CBX3: variants seen among roughly 807,000 people sequenced by gnomAD.
The protein encoded by CBX3 is chromobox protein homolog 3.
In CBX3, 5 loss-of-function variants were observed where a neutral mutation model predicts 22.6. The observed-to-expected ratio is 0.22, with a 90% CI of 0.12 to 0.47. The LOEUF (loss-of-function observed/expected upper bound fraction) is 0.47. Among genes scored for constraint, CBX3 ranks in the 20% least tolerant of loss-of-function variants. The pLI, the probability that CBX3 is intolerant of heterozygous loss-of-function variation, is 0.99. For synonymous variants in CBX3, 50 were observed against 66.6 expected (o/e 0.75, Z 1.21); for missense variants, 83 against 208.1 (o/e 0.40, Z 3.70).
In CBX3 at chr7:26,211,662, G is replaced by A; in HGVS notation, c.331G>A (p.Ala111Thr). ...GTATGAAAAAATGTCTTCTAAACAGGCTGACAAACCAAGAGGATTTGCCAG... is the reference window on the plus strand; with the variant it reads ...GTATGAAAAAATGTCTTCTAAACAGACTGACAAACCAAGAGGATTTGCCAG... Reference protein sequence around the residue: ...DSKSKKKRDAADKPRGFARGL... With the variant: ...DSKSKKKRDATDKPRGFARGL... The change falls in exon 5 of 6, where the codon GCT (alanine) becomes ACT (threonine). Residue 111 changes from alanine to threonine, a missense_variant and splice_region_variant. Coordinates refer to ENST00000396386, the MANE Select transcript of CBX3 (RefSeq NM_016587.4). 6.2e-7 allele frequency: 1 copy of A among 1,601,582 alleles called. No homozygotes were observed. The highest frequency in any genetic ancestry group is 8.5e-7 in the Non-Finnish European group (1 of 1,173,610).
At chr7:26,210,624 C>G (rs749895112) in intron 4 of CBX3, 36 of 152,130 alleles carry the variant, frequency 2.4e-4, no homozygotes, top group Non-Finnish European at 5.0e-4. Flanking sequence ...CCTCTTTATA[C>G]TCTAAAAAAA....
chr7:26,204,047 G>C (rs1310717875), intron 2 of CBX3, among the ~76,000 whole-genome samples: 1 of 152,170 alleles, frequency 6.6e-6, no homozygotes, highest in East Asian at 1.9e-4. Flanking sequence ...AAATTCATTA[G>C]TGTTGTGAGA....
Position 26,213,209 on chromosome 7 carries a change from T to A in CBX3, c.*1001T>A, listed in dbSNP as rs1444806793. ...TTACCCCAATTCATTACATGGAGGCTCAATCTTGAGTTTGCTTTACTGGTT... is the reference window on the plus strand; with the variant it reads ...TTACCCCAATTCATTACATGGAGGCACAATCTTGAGTTTGCTTTACTGGTT... On this transcript the variant is annotated 3_prime_UTR_variant, in exon 6 of 6. Transcript: ENST00000396386. 1 of 152,712 alleles carries A rather than the reference T, an allele frequency of 6.5e-6. No individual in the cohort carries two copies. Among genetic ancestry groups the A allele is most frequent in the Non-Finnish European group, 1.5e-5 (1 of 68,058 alleles). The allele number at this position is 152,712 out of a possible 1,614,324, so 9.5% of individuals were successfully genotyped here.
upstream of CBX3, chr7:26,201,679 C>T (rs1335938220): frequency 2.0e-4 from 27 of 135,556 alleles, no homozygotes; most frequent in Non-Finnish European, 3.9e-4. Flanking sequence ...CCTTCGTGGC[C>T]GCCCGGCGTG....
intron 2 of CBX3, 124 bp from the exon 3 acceptor site, chr7:26,206,244 C>A: frequency 6.5e-6 from 4 of 615,940 alleles, no homozygotes; most frequent in East Asian, 2.8e-5. Flanking sequence ...CAGAAGGTGT[C>A]TGCCCTGGGA....
intron 2 of CBX3, among the ~76,000 whole-genome samples, chr7:26,205,013 TCCTGACC>T (rs1784642560): frequency 3.3e-5 from 5 of 152,196 alleles, no homozygotes; most frequent in Admixed American, 2.0e-4. Flanking sequence ...GGTCTCAAAC[TCCTGACC>T]TCAGATGATC....
intron 2 of CBX3, 165 bp from the exon 3 acceptor site, chr7:26,206,203 T>G: frequency 1.1e-5 from 6 of 560,528 alleles, no homozygotes; most frequent in Non-Finnish European, 1.2e-5. Context: ...AGCATTCTTT[T>G]ATTTTATTGT....
chr7:26,208,690 G>C (rs1436275390), intron 4 of CBX3, 135 bp downstream of exon 4: 1 of 735,646 alleles, frequency 1.4e-6, no homozygotes. Flanking sequence ...GCATGATCTT[G>C]GTCACTGCAA....
chr7:26,212,027 C>A, intron 5 of CBX3, 55 bp from the exon 6 acceptor site: 2 of 1,424,690 alleles, frequency 1.4e-6, no homozygotes, highest in South Asian at 3.4e-5. Context: ...GAATGGCTGT[C>A]GGTTGACATG....
chr7:26,206,625 G>C (rs775736575), intron 3 of CBX3, 115 bp downstream of exon 3: 5 of 955,090 alleles, frequency 5.2e-6, no homozygotes, highest in Non-Finnish European at 8.1e-6. Flanking sequence ...TAAATGTAAA[G>C]ACACTTTGAA....
intron 3 of CBX3, 29 bp from the exon 4 acceptor site, chr7:26,208,364 C>CT (rs376082347): frequency 0.054 from 58,964 of 1,092,158 alleles, 84 homozygotes; most frequent in African/African-American, 0.085. Flanking sequence ...ATTCAATCAC[C>CT]TTTTTTTTTT....
intron 1 of CBX3, chr7:26,202,216 C>T (rs913963567): frequency 2.0e-5 from 3 of 151,834 alleles, no homozygotes; most frequent in Non-Finnish European, 4.4e-5. Context: ...TCCGCGAGGC[C>T]TGGCGGCGCG....
At chr7:26,208,175 TTCCAC>T (rs1784722920) in intron 3 of CBX3, 1 of 360,280 alleles carries the variant, frequency 2.8e-6, no homozygotes, top group African/African-American at 2.0e-5. Flanking sequence ...TGAGCTATGA[TTCCAC>T]TACTGCACTC....
chr7:26,212,992 G>C lies in CBX3; in HGVS notation c.*784G>C, dbSNP rs374505442. 1.3e-5 allele frequency: 2 copies of C among 152,256 alleles called. No individual in the cohort carries two copies. The highest frequency in any genetic ancestry group is 2.4e-5 in the African/African-American group (1 of 41,458). 9.4% of individuals were successfully genotyped at this position (152,256 alleles called of 1,614,324 possible). A position where few individuals can be genotyped will look rare whatever the true frequency, so the allele number is the denominator to read the frequency against. On this transcript the variant is annotated 3_prime_UTR_variant, in exon 6 of 6. Coordinates refer to ENST00000396386, the MANE Select transcript of CBX3 (RefSeq NM_016587.4). ...ATGAACATTTAAAAGTTTCCCTAGC[G>C]GGCCATTCCTTAGCAAAATGTTGGA...
chr7:26,204,615 C>A (rs932951780), intron 2 of CBX3, among the ~76,000 whole-genome samples: 1 of 152,166 alleles, frequency 6.6e-6, no homozygotes. Flanking sequence ...CTTTTGCAGT[C>A]TTGAGGCCTT....
At chr7:26,204,649 T>G (rs1239207834) in intron 2 of CBX3, among the ~76,000 whole-genome samples, 2 of 152,230 alleles carry the variant, frequency 1.3e-5, no homozygotes, top group Non-Finnish European at 2.9e-5. Flanking sequence ...TCTGCACACT[T>G]CATATGCCTG....
chr7:26,202,831 G>A (rs1784580528), intron 1 of CBX3, 140 bp from the exon 2 acceptor site: 2 of 685,326 alleles, frequency 2.9e-6, no homozygotes, highest in Non-Finnish European at 5.2e-6. Flanking sequence ...ATGTAGGTAG[G>A]AGCGCAGATC....
In CBX3 at chr7:26,212,683, A is replaced by AAC. The variant is rs1784836571; in HGVS notation, c.*476_*477dup. 6.6e-6 allele frequency: 1 copy of AAC among 152,270 alleles called. No individual in the cohort carries two copies. The highest frequency in any genetic ancestry group is 1.5e-5 in the Non-Finnish European group (1 of 68,060). 9.4% of individuals were successfully genotyped at this position (152,270 alleles called of 1,614,324 possible). ...CACCCAAACAAAAAAATCACAGGTA[A>AAC]ACCCATGTTTCTGAGATGCCATTAT... is the stretch of plus-strand genomic sequence containing the variant. On this transcript the variant is annotated 3_prime_UTR_variant, in exon 6 of 6. Transcript: ENST00000396386.
intron 4 of CBX3, 122 bp downstream of exon 4, chr7:26,208,677 A>T (rs947693381): frequency 1.2e-6 from 1 of 865,732 alleles, no homozygotes. Flanking sequence ...CTGGAGTGCA[A>T]TGGCATGATC....
Sources: gnomAD v4.1 joint callset for allele counts (sites outside exome capture counted in the v4.1 genomes callset) on GRCh38, gnomAD v4.1.1 for gene constraint, MANE v1.5 for transcripts, NCBI Gene and HGNC (gene_info 2026-07-23, HGNC 2026-07-21) for gene names.